The following SCN9A variants were observed in gnomAD, a reference collection of about 807,000 sequenced individuals.
SCN9A encodes the protein sodium voltage-gated channel alpha subunit 9.
SCN9A carries 131 observed loss-of-function variants against 187.0 expected under a neutral mutation model. That is an observed-to-expected ratio of 0.70 (90% CI 0.61 to 0.81). SCN9A has a LOEUF of 0.81. SCN9A is among the 30% of genes least tolerant of loss of function. SCN9A has a pLI of 0.00. For synonymous variants in SCN9A, 809 were observed against 808.6 expected (o/e 1.00, Z -0.01); for missense variants, 2,252 against 2,396.6 (o/e 0.94, Z 1.26).
intron 1 of SCN9A, among the ~76,000 whole-genome samples, chr2:166,348,888 G>A (rs2105294653): frequency 1.3e-5 from 2 of 152,236 alleles, no homozygotes; most frequent in South Asian, 4.1e-4. Flanking sequence ...CACTTTGGGA[G>A]GCAGAGGTGG....
chr2:166,227,877 T>A (rs1187782022), intron 22 of SCN9A, among the ~76,000 whole-genome samples, 154 bp from the exon 23 acceptor site: 2 of 152,196 alleles, frequency 1.3e-5, no homozygotes, highest in Admixed American at 6.5e-5. Context: ...AAGATTTTTT[T>A]AAAAAGGACA....
At position 166,198,353 on chromosome 2, in the gene SCN9A, TG is replaced by T; in HGVS notation, c.*318del. On this transcript the variant is annotated 3_prime_UTR_variant, in exon 27 of 27. Coordinates refer to ENST00000642356, the MANE Select transcript of SCN9A (RefSeq NM_001365536.1). ...TGGGAAACAAGACTAATTACAATCC[TG>T]TGAAAAGATGACAAGGCAGATGTAA... 1 of 226,178 alleles carries T rather than the reference TG, an allele frequency of 4.4e-6. No individual in the cohort carries two copies. Among genetic ancestry groups the T allele is most frequent in the South Asian group, 1.1e-4 (1 of 9,102 alleles). 14.0% of individuals were successfully genotyped at this position (226,178 alleles called of 1,614,324 possible).
chr2:166,220,120 T>C (rs957692565), intron 24 of SCN9A, among the ~76,000 whole-genome samples: 3 of 152,096 alleles, frequency 2.0e-5, no homozygotes, highest in Non-Finnish European at 2.9e-5. Flanking sequence ...GTTCAACATA[T>C]GCAGACCAAT....
intron 24 of SCN9A, among the ~76,000 whole-genome samples, chr2:166,213,598 A>G (rs113771611): frequency 0.011 from 1,674 of 152,098 alleles, 12 homozygotes; most frequent in Middle Eastern, 0.021. Flanking sequence ...AATTCTTCTC[A>G]AACTCTCTTA....
rs1442926105 is a variant in SCN9A at position 166,272,542 on chromosome 2, A to G, written c.3208T>C (p.Leu1070=). The change falls in exon 17 of 27, where the codon TTG becomes CTG. Residue 1070 remains leucine (L), a synonymous_variant. Transcript: ENST00000642356. ...SGFGSSVDKH[L]MEDSDGQSFI... ...GATTGACCATCACTGTCTTCCATCA[A>G]GTGTTTGTCCACGCTGCTTCCAAAA... is the stretch of plus-strand genomic sequence containing the variant. 6.2e-7 allele frequency: 1 copy of G among 1,613,312 alleles called. No individual in the cohort carries two copies. Among genetic ancestry groups the G allele is most frequent in the East Asian group, 2.2e-5 (1 of 44,788 alleles).
intron 1 of SCN9A, among the ~76,000 whole-genome samples, chr2:166,355,194 C>T (rs1003828182): frequency 6.6e-6 from 1 of 152,006 alleles, no homozygotes; most frequent in Non-Finnish European, 1.5e-5. Context: ...ACCTCTGCCT[C>T]TTGGCAGCAC....
chr2:166,203,243 G>A (rs922648377), intron 26 of SCN9A, among the ~76,000 whole-genome samples: 3 of 151,754 alleles, frequency 2.0e-5, no homozygotes, highest in Admixed American at 6.6e-5. Flanking sequence ...GATTAAACTT[G>A]TAGTAATCTC....
chr2:166,203,168 T>C (rs1374146369), intron 26 of SCN9A, among the ~76,000 whole-genome samples: 1 of 151,910 alleles, frequency 6.6e-6, no homozygotes, highest in Non-Finnish European at 1.5e-5. Context: ...TACTCTGTTA[T>C]GTGGCACTCA....
chr2:166,204,506 T>C (rs1327594107), intron 24 of SCN9A, 42 bp from the exon 25 acceptor site: 1 of 1,262,848 alleles, frequency 7.9e-7, no homozygotes, highest in East Asian at 2.3e-5. Context: ...AAAACCAGAA[T>C]CATTGTCTAC....
chr2:166,198,809 C>T lies in SCN9A; in HGVS notation c.5830G>A (p.Glu1944Lys), dbSNP rs1553472749. ...GTGGATGAAGTGGCATCTGTTTTTT[C>T]TGGACTTGAGTTCTCATTAACATTA... ...FDNVNENSSP[E>K]KTDATSSTTS... The change falls in exon 27 of 27, where the codon GAA becomes AAA. Residue 1944 changes from glutamate (E) to lysine (K), a missense_variant. Physicochemically the swap from Glu to Lys is moderately conservative, Grantham distance 56. Coordinates refer to ENST00000642356, the MANE Select transcript of SCN9A (RefSeq NM_001365536.1). 1.2e-6 allele frequency: 2 copies of T among 1,613,016 alleles called. No individual in the cohort carries two copies. The highest frequency in any genetic ancestry group is 2.7e-5 in the African/African-American group (2 of 75,014).
chr2:166,267,604 AT>A (rs980685677), intron 17 of SCN9A, among the ~76,000 whole-genome samples: 3 of 151,538 alleles, frequency 2.0e-5, no homozygotes, highest in Admixed American at 2.0e-4. Context: ...TTTCCTTTTG[AT>A]TTTTTTGGAA....
intron 17 of SCN9A, among the ~76,000 whole-genome samples, chr2:166,264,737 AAG>A (rs1054588646): frequency 2.0e-4 from 30 of 151,936 alleles, no homozygotes; most frequent in African/African-American, 7.0e-4. Flanking sequence ...TAGGTCATAA[AAG>A]AGAGGGTTTT....
intron 8 of SCN9A, 118 bp downstream of exon 8, chr2:166,294,481 T>C: frequency 1.5e-6 from 1 of 678,684 alleles, no homozygotes; most frequent in African/African-American, 1.8e-5. Context: ...ATGAGTCAAA[T>C]AATACCATGA....
chr2:166,366,413 CTT>C (rs1463624641), intron 1 of SCN9A, among the ~76,000 whole-genome samples: 1 of 152,064 alleles, frequency 6.6e-6, no homozygotes, highest in Non-Finnish European at 1.5e-5. Context: ...TTTCTTTACT[CTT>C]TTATCTGTTG....
intron 1 of SCN9A, among the ~76,000 whole-genome samples, chr2:166,370,860 G>GCTAA (rs1167244589): frequency 6.6e-6 from 1 of 151,910 alleles, no homozygotes; most frequent in Admixed American, 6.6e-5. Context: ...AGGGCAGGAT[G>GCTAA]CTAACTTAAT....
chr2:166,303,156 A>C lies in SCN9A; in HGVS notation c.835T>G (p.Ser279Ala). 1.2e-6 allele frequency: 2 copies of C among 1,612,454 alleles called. No individual in the cohort carries two copies. Among genetic ancestry groups the C allele is most frequent in the Non-Finnish European group, 8.5e-7 (1 of 1,179,008 alleles). Residue 279 changes from serine (S) to alanine (A), a missense_variant, in exon 7 of 27, where the codon TCA (serine) becomes GCA (alanine). Physicochemically the swap from Ser to Ala is moderately conservative, Grantham distance 99. Around this residue, in one of 7 missense-constraint regions of SCN9A, gnomAD observed 1,013 missense variants for 997.4 expected, o/e 1.02. Coordinates refer to ENST00000642356, the MANE Select transcript of SCN9A (RefSeq NM_001365536.1). ...TCTAATGTTTCATTATTTTCAAGTG[A>C]ATTTCGAAAACATTTATGCTTCAGG... ...GNLKHKCFRN[S>A]LENNETLESI...
At chr2:166,317,990 T>C (rs1159296547) in intron 1 of SCN9A, among the ~76,000 whole-genome samples, 1 of 152,166 alleles carries the variant, frequency 6.6e-6, no homozygotes, top group Non-Finnish European at 1.5e-5. Flanking sequence ...CTATGGCAAA[T>C]ATGTGATGTA....
At chr2:166,210,041 A>AGACTT (rs955971785) in intron 24 of SCN9A, among the ~76,000 whole-genome samples, 31 of 152,334 alleles carry the variant, frequency 2.0e-4, no homozygotes, top group Non-Finnish European at 2.5e-4. Context: ...ACAATAGCAA[A>AGACTT]GACTTGGAAC....
At chr2:166,341,163 A>G (rs1699775768) in intron 1 of SCN9A, among the ~76,000 whole-genome samples, 1 of 152,200 alleles carries the variant, frequency 6.6e-6, no homozygotes, top group African/African-American at 2.4e-5. Flanking sequence ...ACTATCATGT[A>G]TGTAATAGAG....
Sources: gnomAD v4.1 joint callset for allele counts (sites outside exome capture counted in the v4.1 genomes callset) on GRCh38, gnomAD v4.1.1 for gene constraint, gnomAD v4.1.1 regional missense constraint, MANE v1.5 for transcripts, NCBI Gene and HGNC (gene_info 2026-07-23, HGNC 2026-07-21) for gene names.